GALNT17: variants seen among roughly 807,000 people sequenced by gnomAD.
GALNT17 encodes the protein polypeptide N-acetylgalactosaminyltransferase 17.
GALNT17 carries 29 observed loss-of-function variants against 63.7 expected under a neutral mutation model. The ratio of observed to expected loss-of-function variants is 0.46; its 90% CI spans 0.34 to 0.62. GALNT17 has a LOEUF of 0.62. GALNT17 is among the 20% of genes least tolerant of loss of function. The pLI is 0.01. For missense variants in GALNT17, 603 were observed against 799.6 expected (o/e 0.75, Z 2.97); for synonymous variants, 305 against 318.3 (o/e 0.96, Z 0.45).
intron 1 of GALNT17, among the ~76,000 whole-genome samples, chr7:71,220,946 A>G (rs1189733564): frequency 6.6e-6 from 1 of 152,292 alleles, no homozygotes; most frequent in South Asian, 2.1e-4. Flanking sequence ...ACCCATATCT[A>G]TAGATCTTTC....
intron 1 of GALNT17, among the ~76,000 whole-genome samples, chr7:71,244,476 T>C (rs1790058393): frequency 6.6e-6 from 1 of 152,204 alleles, no homozygotes; most frequent in Non-Finnish European, 1.5e-5. Context: ...ACCTCAACTC[T>C]GCCCTTTATT....
At chr7:71,242,152 A>G (rs553446346) in intron 1 of GALNT17, among the ~76,000 whole-genome samples, 5 of 151,652 alleles carry the variant, frequency 3.3e-5, no homozygotes, top group African/African-American at 7.3e-5. Context: ...GCTCAATTCA[A>G]TGAGGAGGGC....
chr7:71,356,311 G>A (rs969898094), intron 2 of GALNT17, among the ~76,000 whole-genome samples: 5 of 152,226 alleles, frequency 3.3e-5, no homozygotes, highest in African/African-American at 9.6e-5. Flanking sequence ...AGTTCAAAGG[G>A]ACCATTGTCT....
chr7:71,693,299 C>CATATATATATATATATATATATAT (rs1327263888), intron 9 of GALNT17, among the ~76,000 whole-genome samples: 2 of 116,258 alleles, frequency 1.7e-5, no homozygotes, highest in Non-Finnish European at 3.4e-5. Flanking sequence ...CACACACACA[C>CATATATATATATATATATATATAT]ACACACACAC....
chr7:71,421,370 A>G (rs1445310108), intron 5 of GALNT17, among the ~76,000 whole-genome samples: 4 of 152,186 alleles, frequency 2.6e-5, no homozygotes, highest in Non-Finnish European at 5.9e-5. Context: ...ACACTTCTTT[A>G]TTCTTCCTCG....
Position 71,511,522 on chromosome 7 carries a change from A to G in GALNT17, c.963-59763A>G, listed in dbSNP as rs369284830. Among the ~76,000 whole-genome samples the G allele has an allele frequency of 4.6e-5, 7 of 152,098 alleles. No homozygotes were observed. In the East Asian group the frequency reaches 7.7e-4, roughly 17 times the overall value. Reference sequence around the variant, plus strand: ...TGCCTAGGACTTCATCCCTTTAGCAATGGATTCCTGCAAGGCTTCTCCAGC... The same window carrying G: ...TGCCTAGGACTTCATCCCTTTAGCAGTGGATTCCTGCAAGGCTTCTCCAGC... On this transcript the variant is annotated intron_variant, in intron 5 of 10. Coordinates refer to ENST00000333538, the MANE Select transcript of GALNT17 (RefSeq NM_022479.3).
At chr7:71,404,666 C>G (rs1203509363) in intron 3 of GALNT17, among the ~76,000 whole-genome samples, 14 of 152,214 alleles carry the variant, frequency 9.2e-5, no homozygotes, top group Non-Finnish European at 1.9e-4. Flanking sequence ...GCCATAGTGG[C>G]AAGGCTGGGG....
chr7:71,679,802 C>T (rs1562733611), intron 9 of GALNT17, among the ~76,000 whole-genome samples: 1 of 151,970 alleles, frequency 6.6e-6, no homozygotes, highest in East Asian at 1.9e-4. Flanking sequence ...AGCTCCTGGG[C>T]CCCATCCCCA....
intron 1 of GALNT17, among the ~76,000 whole-genome samples, chr7:71,168,314 C>T (rs1385744293): frequency 1.3e-5 from 2 of 152,142 alleles, no homozygotes; most frequent in South Asian, 2.1e-4. Flanking sequence ...TGGCTCATGC[C>T]TGTAATCCCA....
At chr7:71,423,112 T>C (rs1344279844) in intron 5 of GALNT17, among the ~76,000 whole-genome samples, 2 of 152,096 alleles carry the variant, frequency 1.3e-5, no homozygotes, top group Non-Finnish European at 2.9e-5. Flanking sequence ...GTCCCGGGTT[T>C]TTATGGGCAC....
At chr7:71,308,067 C>T (rs1791339701) in intron 1 of GALNT17, among the ~76,000 whole-genome samples, 1 of 151,910 alleles carries the variant, frequency 6.6e-6, no homozygotes, top group South Asian at 2.1e-4. Context: ...GGCTCCGGGT[C>T]AGAGGGGAGT....
intron 5 of GALNT17, among the ~76,000 whole-genome samples, chr7:71,544,526 A>G (rs922810281): frequency 2.0e-5 from 3 of 152,134 alleles, no homozygotes; most frequent in African/African-American, 4.8e-5. Flanking sequence ...CTAGCAATCT[A>G]TTCTTTTGGA....
chr7:71,479,024 C>A (rs1787770408), intron 5 of GALNT17, among the ~76,000 whole-genome samples: 1 of 152,162 alleles, frequency 6.6e-6, no homozygotes, highest in African/African-American at 2.4e-5. Context: ...GAGACCAAAT[C>A]ACTTGGCACT....
At chr7:71,337,582 G>C (rs1791931067) in intron 2 of GALNT17, among the ~76,000 whole-genome samples, 1 of 152,092 alleles carries the variant, frequency 6.6e-6, no homozygotes, top group South Asian at 2.1e-4. Context: ...TAAAAAGCGT[G>C]AGGCTGGCAG....
chr7:71,385,743 T>C (rs1792931833), intron 2 of GALNT17, among the ~76,000 whole-genome samples: 1 of 152,112 alleles, frequency 6.6e-6, no homozygotes, highest in Non-Finnish European at 1.5e-5. Context: ...GACCTTCTCC[T>C]AGTTGGGGCT....
At chr7:71,327,985 C>G (rs1368978430) in intron 1 of GALNT17, among the ~76,000 whole-genome samples, 1 of 152,188 alleles carries the variant, frequency 6.6e-6, no homozygotes, top group Non-Finnish European at 1.5e-5. Flanking sequence ...ATTGGTTCAT[C>G]TCAACCCAAA....
intron 1 of GALNT17, among the ~76,000 whole-genome samples, chr7:71,216,540 G>A (rs1053118099): frequency 3.3e-5 from 5 of 151,520 alleles, no homozygotes; most frequent in East Asian, 1.9e-4. Flanking sequence ...ACACATATAC[G>A]TATATTATAC....
At chr7:71,145,139 T>C (rs1295933149) in intron 1 of GALNT17, among the ~76,000 whole-genome samples, 1 of 152,186 alleles carries the variant, frequency 6.6e-6, no homozygotes, top group Non-Finnish European at 1.5e-5. Flanking sequence ...CTGCATTCTT[T>C]GGTGAGTCAG....
chr7:71,280,722 A>T (rs954768138), intron 1 of GALNT17, among the ~76,000 whole-genome samples: 7 of 152,064 alleles, frequency 4.6e-5, no homozygotes, highest in African/African-American at 1.7e-4. Flanking sequence ...GTAGATTTTC[A>T]CCCCTGGAGA....
Sources: gnomAD v4.1 joint callset for allele counts (sites outside exome capture counted in the v4.1 genomes callset) on GRCh38, gnomAD v4.1.1 for gene constraint, MANE v1.5 for transcripts, NCBI Gene and HGNC (gene_info 2026-07-23, HGNC 2026-07-21) for gene names.